MYZAP: variants seen among roughly 807,000 people sequenced by gnomAD.
MYZAP encodes the protein myocardial zonula adherens protein.
In MYZAP, 66 loss-of-function variants were observed where a neutral mutation model predicts 69.4. The ratio of observed to expected loss-of-function variants is 0.95; its 90% CI spans 0.78 to 1.17. MYZAP has a LOEUF of 1.17. Ranked by LOEUF, MYZAP falls within the 50% of genes most tolerant of loss-of-function variation. The pLI, the probability that MYZAP is intolerant of heterozygous loss-of-function variation, is 0.00. For synonymous variants in MYZAP, 256 were observed against 205.9 expected (o/e 1.24, Z -2.09); for missense variants, 611 against 556.2 (o/e 1.10, Z -0.99).
rs1567194400 is a variant in MYZAP, at chr15:57,591,946, G to C, written c.-89G>C. On this transcript the variant is annotated 5_prime_UTR_variant, in exon 1 of 13. Transcript: ENST00000267853. ...GGCTGCAAGTAGCCGGCGCCGTCCCGCGTCGCCCCCGCGCAGGGCGGGCCC... is the reference window on the plus strand; with the variant it reads ...GGCTGCAAGTAGCCGGCGCCGTCCCCCGTCGCCCCCGCGCAGGGCGGGCCC... 8.5e-7 allele frequency: 1 copy of C among 1,183,314 alleles called. No individual in the cohort carries two copies. The allele number at this position is 1,183,314 out of a possible 1,614,324, so 73.3% of individuals were successfully genotyped here. A position where few individuals can be genotyped will look rare whatever the true frequency, so the allele number is the denominator to read the frequency against.
At chr15:57,674,937 T>A (rs2140629686) in intron 11 of MYZAP, 31 bp from the exon 12 acceptor site, 1 of 1,584,456 alleles carries the variant, frequency 6.3e-7, no homozygotes, top group South Asian at 1.1e-5. Context: ...ATATTTGACT[T>A]ACTGAAAGTA....
intron 12 of MYZAP, among the ~76,000 whole-genome samples, chr15:57,683,630 A>G (rs2039547042): frequency 6.6e-6 from 1 of 152,184 alleles, no homozygotes; most frequent in African/African-American, 2.4e-5. Context: ...TAGTTAGCTT[A>G]TAAACAACAG....
At chr15:57,677,831 T>C (rs1160318314) in intron 12 of MYZAP, among the ~76,000 whole-genome samples, 2 of 152,166 alleles carry the variant, frequency 1.3e-5, no homozygotes, top group Admixed American at 1.3e-4. Flanking sequence ...TTCAACTCTT[T>C]CATCTTTAAA....
At chr15:57,669,515 T>A (rs2038769951) in intron 11 of MYZAP, among the ~76,000 whole-genome samples, 1 of 151,314 alleles carries the variant, frequency 6.6e-6, no homozygotes, top group Non-Finnish European at 1.5e-5. Flanking sequence ...TCTCTGTCTC[T>A]CTTTCTCTTT....
chr15:57,616,424 G>T (rs1449726498), intron 2 of MYZAP, among the ~76,000 whole-genome samples: 1 of 152,194 alleles, frequency 6.6e-6, no homozygotes, highest in African/African-American at 2.4e-5. Context: ...CGGATCACAA[G>T]GTCAAGAGCT....
chr15:57,605,226 C>G (rs571337264), intron 2 of MYZAP, among the ~76,000 whole-genome samples: 1 of 151,980 alleles, frequency 6.6e-6, no homozygotes, highest in Admixed American at 6.5e-5. Flanking sequence ...TCTAGTGGGA[C>G]AAGAATGGAA....
chr15:57,618,340 A>C (rs2035606707), intron 3 of MYZAP, 152 bp downstream of exon 3: 1 of 1,287,590 alleles, frequency 7.8e-7, no homozygotes. Context: ...GTGTATCTTC[A>C]TGGTAATGTT....
rs765756258 is a variant in MYZAP at position 57,618,189 on chromosome 15, G to T, written c.318+1G>T. On this transcript the variant is annotated splice_donor_variant, in intron 3 of 12. Transcript: ENST00000267853. LOFTEE classifies it high-confidence loss of function. ...AGAAGAGATGAACTACATCAAAGAT[G>T]TGAGCCATTTAAGAGTTTTTGCCCC... is the stretch of plus-strand genomic sequence containing the variant. The T allele has an allele frequency of 4.3e-6, 7 of 1,613,164 alleles. No individual in the cohort carries two copies. The highest frequency in any genetic ancestry group is 2.2e-5 in the East Asian group (1 of 44,876).
intron 11 of MYZAP, among the ~76,000 whole-genome samples, chr15:57,669,682 C>A (rs753171252): frequency 6.6e-6 from 1 of 152,116 alleles, no homozygotes; most frequent in African/African-American, 2.4e-5. Context: ...CTAATTATTT[C>A]GGGATTACTT....
At position 57,621,625 on chromosome 15, in the gene MYZAP, A is replaced by G; in HGVS notation, c.336A>G (p.Glu112=). 1 of 1,613,728 alleles carries G rather than the reference A, an allele frequency of 6.2e-7. No homozygotes were observed. Among genetic ancestry groups the G allele is most frequent in the East Asian group, 2.2e-5 (1 of 44,860 alleles). ...NYIKDVRATL[E]KVRKRMYGDY... is the part of the protein sequence containing the mutation. The stretch of plus-strand genomic sequence containing the variant: ...GGCTACAGGTGAGAGCCACTTTGGA[A>G]AAGGTGAGAAAGCGAATGTATGGAG... The change falls in exon 4 of 13, where the codon GAA becomes GAG. Residue 112 remains glutamate, a synonymous_variant. Transcript: ENST00000267853.
At chr15:57,674,593 A>G (rs887798399) in intron 11 of MYZAP, among the ~76,000 whole-genome samples, 3 of 152,282 alleles carry the variant, frequency 2.0e-5, no homozygotes, top group Non-Finnish European at 4.4e-5. Context: ...AGTTAAATAA[A>G]TAATGTATCC....
intron 6 of MYZAP, among the ~76,000 whole-genome samples, chr15:57,630,960 G>T (rs1351999084): frequency 6.6e-6 from 1 of 152,132 alleles, no homozygotes; most frequent in South Asian, 2.1e-4. Flanking sequence ...GGGAAGAGGG[G>T]CTGCCGGTCC....
At chr15:57,642,730 A>G (rs2037231346) in intron 10 of MYZAP, among the ~76,000 whole-genome samples, 1 of 152,222 alleles carries the variant, frequency 6.6e-6, no homozygotes, top group African/African-American at 2.4e-5. Context: ...AATGTTAAGC[A>G]ACATGTTTCT....
At chr15:57,646,359 GTT>G in intron 10 of MYZAP, 1 of 1,179,784 alleles carries the variant, frequency 8.5e-7, no homozygotes, top group South Asian at 1.7e-5. Context: ...TGGGGCTCTT[GTT>G]TGTGAAAACA....
intron 12 of MYZAP, among the ~76,000 whole-genome samples, chr15:57,678,399 A>T (rs1293211030): frequency 6.6e-6 from 1 of 152,202 alleles, no homozygotes; most frequent in Non-Finnish European, 1.5e-5. Flanking sequence ...AAAGCATTTT[A>T]GCATGGTAAC....
chr15:57,616,685 TG>T (rs1340325590), intron 2 of MYZAP, among the ~76,000 whole-genome samples: 2 of 151,820 alleles, frequency 1.3e-5, no homozygotes, highest in Non-Finnish European at 2.9e-5. Context: ...GGTATACACT[TG>T]TAATTCCAGC....
Position 57,625,869 on chromosome 15 carries a change from G to A in MYZAP, c.502G>A (p.Ala168Thr). The A allele has an allele frequency of 3.1e-6, 5 of 1,614,132 alleles. No homozygotes were observed. Among genetic ancestry groups the A allele is most frequent in the Non-Finnish European group, 4.2e-6 (5 of 1,180,020 alleles). ...TTTTAATGCCATGAACTCAGCCTTG[G>A]CATCAGATTCCATTGGCCTGCAGGT... is the stretch of plus-strand genomic sequence containing the variant. The part of the protein sequence containing the change: ...DRFNAMNSAL[A>T]SDSIGLQKTL... Residue 168 changes from alanine to threonine, a missense_variant, in exon 5 of 13, where the codon GCA (alanine) becomes ACA (threonine). Coordinates refer to ENST00000267853, the MANE Select transcript of MYZAP (RefSeq NM_001018100.5).
intron 11 of MYZAP, among the ~76,000 whole-genome samples, chr15:57,668,321 C>T (rs377021430): frequency 6.6e-6 from 1 of 152,086 alleles, no homozygotes; most frequent in Non-Finnish European, 1.5e-5. Context: ...ATAGCTGGGT[C>T]GTAAAAGGAG....
Position 57,591,987 on chromosome 15 carries a change from C to A in MYZAP, c.-48C>A, listed in dbSNP as rs573379038. 397 of 1,402,842 alleles carry A rather than the reference C, an allele frequency of 2.8e-4. 6 individuals carry two copies. The South Asian group carries it at 5.0e-3, about 18-fold the overall frequency. 86.9% of individuals were successfully genotyped at this position (1,402,842 alleles called of 1,614,324 possible). A position where few individuals can be genotyped will look rare whatever the true frequency, so the allele number is the denominator to read the frequency against. ...GGGCGGGCCCCGCACGCTTATTCTG[C>A]CCGGGAGGAACGCCGGCGTCCAGCC... is the stretch of plus-strand genomic sequence containing the variant. On this transcript the variant is annotated 5_prime_UTR_variant, in exon 1 of 13. Transcript: ENST00000267853.
Sources: allele counts gnomAD v4.1 joint callset (sites outside exome capture counted in the v4.1 genomes callset), GRCh38; gene constraint gnomAD v4.1.1; transcripts MANE v1.5; gene names NCBI Gene and HGNC (gene_info 2026-07-23, HGNC 2026-07-21).